Variants in B3GALT1 observed in about 807,000 individuals in gnomAD.
B3GALT1 encodes the protein UDP-Gal:betaGlcNAc beta 1,3-galactosyltransferase, polypeptide 1.
Under a neutral mutation model 23.2 loss-of-function variants are expected in B3GALT1, and 10 were observed. The observed-to-expected ratio is 0.43, with a 90% CI of 0.27 to 0.73. The LOEUF is 0.73. B3GALT1 is among the 30% of genes least tolerant of loss of function. B3GALT1 has a pLI of 0.21. For missense variants in B3GALT1, 299 were observed against 405.4 expected (o/e 0.74, Z 2.25); for synonymous variants, 156 against 141.5 (o/e 1.10, Z -0.73).
chr2:167,656,526 G>C (rs1313866083), intron 3 of B3GALT1, among the ~76,000 whole-genome samples: 1 of 151,898 alleles, frequency 6.6e-6, no homozygotes, highest in Non-Finnish European at 1.5e-5. Context: ...AAAACTCTAA[G>C]GAATCTAAAT....
chr2:167,309,216 A>T (rs963572695), intron 1 of B3GALT1, among the ~76,000 whole-genome samples: 1 of 151,996 alleles, frequency 6.6e-6, no homozygotes, highest in Admixed American at 6.6e-5. Flanking sequence ...GAAAGGTTAG[A>T]TTTGGCATTA....
intron 2 of B3GALT1, among the ~76,000 whole-genome samples, chr2:167,611,768 G>C (rs925267572): frequency 2.0e-5 from 3 of 151,710 alleles, no homozygotes; most frequent in African/African-American, 4.8e-5. Flanking sequence ...CCGTTGATAC[G>C]ATGGTAAAAT....
chr2:167,368,374 A>G (rs1697625260), intron 1 of B3GALT1, among the ~76,000 whole-genome samples: 1 of 152,184 alleles, frequency 6.6e-6, no homozygotes, highest in Non-Finnish European at 1.5e-5. Context: ...ATTACTTGGG[A>G]TAAGACATAA....
At chr2:167,436,656 G>T (rs917259390) in intron 1 of B3GALT1, among the ~76,000 whole-genome samples, 1 of 152,044 alleles carries the variant, frequency 6.6e-6, no homozygotes, top group Admixed American at 6.6e-5. Context: ...TTCAACAAAT[G>T]TGACCCACTT....
intron 1 of B3GALT1, among the ~76,000 whole-genome samples, chr2:167,367,415 A>T (rs781715800): frequency 6.6e-6 from 1 of 152,208 alleles, no homozygotes; most frequent in Non-Finnish European, 1.5e-5. Flanking sequence ...AGTGGTCAAC[A>T]TTCCCCAGAA....
chr2:167,581,434 C>T (rs1417395942), intron 2 of B3GALT1, among the ~76,000 whole-genome samples: 1 of 152,206 alleles, frequency 6.6e-6, no homozygotes, highest in African/African-American at 2.4e-5. Context: ...ATAATCATTT[C>T]CTTATACTTC....
In B3GALT1 at chr2:167,705,201, G is replaced by A. The variant is rs113781932; in HGVS notation, c.-352+58235G>A. 3.1e-3 allele frequency among the ~76,000 whole-genome samples: 473 copies of A among 152,256 alleles called. 3 individuals are homozygous for A. The highest frequency in any genetic ancestry group is 5.5e-3 in the Non-Finnish European group (371 of 68,022). On this transcript the variant is annotated intron_variant, in intron 3 of 4. Coordinates refer to ENST00000392690, the MANE Select transcript of B3GALT1 (RefSeq NM_020981.4). ...CCTAGATGAGCTGAACCCAGTCAACGTATACTTGTTTGAGTTGTGAGCCAC... is the reference window on the plus strand; with the variant it reads ...CCTAGATGAGCTGAACCCAGTCAACATATACTTGTTTGAGTTGTGAGCCAC...
intron 1 of B3GALT1, among the ~76,000 whole-genome samples, chr2:167,417,491 T>C (rs1698489202): frequency 6.6e-6 from 1 of 152,222 alleles, no homozygotes. Flanking sequence ...TTACTCCTTT[T>C]TAGGTGTTCT....
At chr2:167,808,954 C>G (rs1293017273) in intron 3 of B3GALT1, among the ~76,000 whole-genome samples, 10 of 152,180 alleles carry the variant, frequency 6.6e-5, no homozygotes, top group Admixed American at 1.3e-4. Context: ...TTCACATAGT[C>G]CCATATTTCT....
chr2:167,306,658 T>A (rs1191664499), intron 1 of B3GALT1, among the ~76,000 whole-genome samples: 1 of 152,160 alleles, frequency 6.6e-6, no homozygotes, highest in East Asian at 1.9e-4. Context: ...GCATGTTGTC[T>A]TCAAAACTGT....
rs1231435184 is a variant in B3GALT1 at position 167,820,491 on chromosome 2, T to A, written c.-230+1698T>A. ...GAGCATTTAATTGCTGTTGCAGGACTCCCTGGCTCCCTTCCCCTGTGACAT... is the reference window on the plus strand; with the variant it reads ...GAGCATTTAATTGCTGTTGCAGGACACCCTGGCTCCCTTCCCCTGTGACAT... On this transcript the variant is annotated intron_variant, in intron 4 of 4. Coordinates refer to ENST00000392690, the MANE Select transcript of B3GALT1 (RefSeq NM_020981.4). 5.3e-5 allele frequency among the ~76,000 whole-genome samples: 8 copies of A among 152,166 alleles called. No individual in the cohort carries two copies. The South Asian group carries it at 6.2e-4, about 12-fold the overall frequency.
intron 1 of B3GALT1, among the ~76,000 whole-genome samples, chr2:167,402,234 A>G (rs1361116095): frequency 6.6e-6 from 1 of 152,148 alleles, no homozygotes; most frequent in African/African-American, 2.4e-5. Flanking sequence ...ATCTTCATGA[A>G]TAGTGGAAAG....
At chr2:167,511,656 A>T (rs1239750139) in intron 2 of B3GALT1, among the ~76,000 whole-genome samples, 1 of 151,690 alleles carries the variant, frequency 6.6e-6, no homozygotes, top group Non-Finnish European at 1.5e-5. Context: ...TTTTGCATAG[A>T]TTTTTTTTTA....
At chr2:167,529,098 T>A (rs1260611114) in intron 2 of B3GALT1, among the ~76,000 whole-genome samples, 1 of 152,102 alleles carries the variant, frequency 6.6e-6, no homozygotes, top group Non-Finnish European at 1.5e-5. Flanking sequence ...CATTTTTCAT[T>A]TACTTTATGT....
intron 3 of B3GALT1, among the ~76,000 whole-genome samples, chr2:167,746,730 A>G (rs977662123): frequency 6.6e-6 from 1 of 152,200 alleles, no homozygotes; most frequent in Non-Finnish European, 1.5e-5. Flanking sequence ...AAAAATACAG[A>G]GCTGCCATTA....
At chr2:167,498,552 A>C (rs1699807607) in intron 2 of B3GALT1, among the ~76,000 whole-genome samples, 1 of 152,308 alleles carries the variant, frequency 6.6e-6, no homozygotes, top group African/African-American at 2.4e-5. Flanking sequence ...TGTAGCAAGC[A>C]TACCAGAAAA....
At position 167,723,820 on chromosome 2, in the gene B3GALT1, C is replaced by T. The variant is rs74271082; in HGVS notation, c.-352+76854C>T. On this transcript the variant is annotated intron_variant, in intron 3 of 4. Coordinates refer to ENST00000392690, the MANE Select transcript of B3GALT1 (RefSeq NM_020981.4). ...TGCTGGGATTACAGGCTTAAGCCACCGTGCCTGACCCCACTGTCAATTTAT... is the reference window on the plus strand; with the variant it reads ...TGCTGGGATTACAGGCTTAAGCCACTGTGCCTGACCCCACTGTCAATTTAT... Among the ~76,000 whole-genome samples, 1,572 of 152,238 alleles carry T rather than the reference C, an allele frequency of 0.01. 67 individuals carry two copies. The East Asian group carries it at 0.14, about 13-fold the overall frequency.
chr2:167,781,090 C>T (rs1688237394), intron 3 of B3GALT1, among the ~76,000 whole-genome samples: 1 of 152,114 alleles, frequency 6.6e-6, no homozygotes, highest in African/African-American at 2.4e-5. Flanking sequence ...AAGAACACCC[C>T]TCAGAATTAC....
rs530536963 is a variant in B3GALT1, at chr2:167,354,703, C to G, written c.-511+61369C>G. On this transcript the variant is annotated intron_variant, in intron 1 of 4. Coordinates refer to ENST00000392690, the MANE Select transcript of B3GALT1 (RefSeq NM_020981.4). The stretch of plus-strand genomic sequence containing the variant: ...CCTTTGCCACCACTTAGGCAGCAAC[C>G]CTTATAACCTACTGCCCAGTTTGTT... Among the ~76,000 whole-genome samples the G allele has an allele frequency of 6.6e-5, 10 of 152,238 alleles. No homozygotes were observed. In the South Asian group the frequency reaches 8.3e-4, roughly 13 times the overall value.
Sources: gnomAD v4.1 joint callset for allele counts (sites outside exome capture counted in the v4.1 genomes callset) on GRCh38, gnomAD v4.1.1 for gene constraint, MANE v1.5 for transcripts, NCBI Gene and HGNC (gene_info 2026-07-23, HGNC 2026-07-21) for gene names.